FAS: variants seen among roughly 807,000 people sequenced by gnomAD.
FAS encodes the protein tumor necrosis factor receptor superfamily member 6.
Under a neutral mutation model 33.2 loss-of-function variants are expected in FAS, and 5 were observed. The ratio of observed to expected loss-of-function variants is 0.15; its 90% CI spans 0.08 to 0.32. The LOEUF (loss-of-function observed/expected upper bound fraction) is 0.32, where lower values mean the gene tolerates loss of function less well. Ranked by LOEUF, FAS falls within the 10% of genes least tolerant of loss-of-function variation. The pLI is 1.00. For missense variants in FAS, 339 were observed against 386.0 expected (o/e 0.88, Z 1.02); for synonymous variants, 131 against 130.7 (o/e 1.00, Z -0.01).
At chr10:88,999,078 G>A (rs1358177070) in intron 1 of FAS, among the ~76,000 whole-genome samples, 2 of 151,792 alleles carry the variant, frequency 1.3e-5, no homozygotes, top group African/African-American at 2.4e-5. Flanking sequence ...ACTTGAACCC[G>A]GGAGGCGGAG....
intron 1 of FAS, among the ~76,000 whole-genome samples, chr10:88,993,138 C>T (rs1025108020): frequency 5.3e-5 from 8 of 152,176 alleles, no homozygotes; most frequent in African/African-American, 1.9e-4. Flanking sequence ...CTTTCCTTCT[C>T]TCAACCTTCC....
At chr10:89,013,721 C>A (rs1352322440) in intron 8 of FAS, among the ~76,000 whole-genome samples, 1 of 152,176 alleles carries the variant, frequency 6.6e-6, no homozygotes, top group African/African-American at 2.4e-5. Context: ...TAACAACATA[C>A]ATGATTCCAT....
chr10:89,008,227 TCCC>T (rs1848344274), intron 3 of FAS, among the ~76,000 whole-genome samples: 1 of 152,154 alleles, frequency 6.6e-6, no homozygotes. Flanking sequence ...GTAGGAATGC[TCCC>T]CCTTTCTTTG....
chr10:88,983,047 G>A (rs967678039), upstream of FAS, among the ~76,000 whole-genome samples: 10 of 152,120 alleles, frequency 6.6e-5, no homozygotes, highest in Admixed American at 3.3e-4. Context: ...TAGACCTACC[G>A]AATCAGAATC....
In FAS at chr10:88,990,900, A is replaced by G. The variant is rs760596246; in HGVS notation, c.24A>G (p.Leu8=). 2 of 1,614,072 alleles carry G rather than the reference A, an allele frequency of 1.2e-6. No homozygotes were observed. The highest frequency in any genetic ancestry group is 1.7e-6 in the Non-Finnish European group (2 of 1,179,990). ...CCATGCTGGGCATCTGGACCCTCCT[A>G]CCTCTGGTGAGCCCTCTCCTGCCCG... is the stretch of plus-strand genomic sequence containing the variant. MLGIWTL[L]PLVLTSVARL... The change falls in exon 1 of 9, where the codon CTA becomes CTG. Residue 8 remains leucine, a synonymous_variant. Transcript: ENST00000652046. The surrounding 1 kb of genome is among the most constrained non-coding windows in gnomAD (Gnocchi z 4.9).
chr10:89,005,875 G>A (rs1185701516), intron 2 of FAS, among the ~76,000 whole-genome samples: 1 of 152,130 alleles, frequency 6.6e-6, no homozygotes, highest in African/African-American at 2.4e-5. Flanking sequence ...CTGACCTCAG[G>A]TGATCTGCCT....
At chr10:88,995,369 G>A (rs945995761) in intron 1 of FAS, among the ~76,000 whole-genome samples, 1 of 152,184 alleles carries the variant, frequency 6.6e-6, no homozygotes, top group African/African-American at 2.4e-5. Context: ...AGGAAATGAG[G>A]TGGTTCTTCC....
intron 1 of FAS, among the ~76,000 whole-genome samples, chr10:88,995,112 G>A (rs1847510372): frequency 6.6e-6 from 1 of 151,736 alleles, no homozygotes; most frequent in Non-Finnish European, 1.5e-5. Flanking sequence ...ATTCATAAAA[G>A]TGGAAAAATA....
chr10:89,014,428 A>G lies in FAS; in HGVS notation c.986A>G (p.Asn329Ser). Residue 329 changes from asparagine (N) to serine (S), a missense_variant, in exon 9 of 9, where the codon AAT becomes AGT. Physicochemically the swap from Asn to Ser is conservative, Grantham distance 46 (BLOSUM62 1). Coordinates refer to ENST00000652046, the MANE Select transcript of FAS (RefSeq NM_000043.6). ...GACTCAGAAAATTCAAACTTCAGAA[A>G]TGAAATCCAAAGCTTGGTCTAGAGT... ...TSDSENSNFR[N>S]EIQSLV 1 of 1,611,002 alleles carries G rather than the reference A, an allele frequency of 6.2e-7. No homozygotes were observed. Among genetic ancestry groups the G allele is most frequent in the Non-Finnish European group, 8.5e-7 (1 of 1,179,904 alleles).
intron 6 of FAS, among the ~76,000 whole-genome samples, chr10:89,011,776 G>A (rs1848541978): frequency 6.6e-6 from 1 of 152,210 alleles, no homozygotes; most frequent in Non-Finnish European, 1.5e-5. Flanking sequence ...AGGCCAGCCT[G>A]TGGTAATTAG....
chr10:88,995,165 TAA>T (rs1190034153), intron 1 of FAS, among the ~76,000 whole-genome samples: 2 of 152,128 alleles, frequency 1.3e-5, no homozygotes, highest in African/African-American at 4.8e-5. Flanking sequence ...ATCCTTGCTT[TAA>T]AAAAAGTCTT....
intron 1 of FAS, chr10:88,991,496 G>A (rs1847215682): frequency 1.2e-5 from 2 of 164,872 alleles, no homozygotes; most frequent in Non-Finnish European, 2.7e-5. Flanking sequence ...TCGGAAGAAC[G>A]GCACCTTTTC....
At chr10:88,971,564 C>CT (rs776055894) in intron 1 of FAS, among the ~76,000 whole-genome samples, 78 of 152,258 alleles carry the variant, frequency 5.1e-4, no homozygotes, top group Non-Finnish European at 1.0e-3. Flanking sequence ...TAACTCCTTC[C>CT]TTTTTTAGAT....
intron 6 of FAS, 63 bp downstream of exon 6, chr10:89,010,878 T>C: frequency 6.3e-7 from 1 of 1,584,942 alleles, no homozygotes; most frequent in Non-Finnish European, 8.7e-7. Flanking sequence ...CACAAAGATT[T>C]GCCTCATTCT....
chr10:89,004,405 T>C (rs1281665338), intron 2 of FAS, among the ~76,000 whole-genome samples: 1 of 152,172 alleles, frequency 6.6e-6, no homozygotes, highest in Admixed American at 6.5e-5. Context: ...AGGGTACACA[T>C]GCACAATCTG....
chr10:89,005,830 G>A (rs1393555861), intron 2 of FAS, among the ~76,000 whole-genome samples: 1 of 151,970 alleles, frequency 6.6e-6, no homozygotes, highest in Non-Finnish European at 1.5e-5. Flanking sequence ...ATAGAGGCGG[G>A]GTTTCACCAT....
chr10:88,983,628 A>C (rs952166099), upstream of FAS, among the ~76,000 whole-genome samples: 4 of 147,888 alleles, frequency 2.7e-5, no homozygotes, highest in South Asian at 2.1e-4. Context: ...AAAAAAAAAA[A>C]AAAAAAAAAA....
rs1211630927 is a variant in FAS at position 89,015,786 on chromosome 10, T to C, written c.*1336T>C. 6.4e-6 allele frequency: 3 copies of C among 471,688 alleles called. No individual in the cohort carries two copies. The East Asian group carries it at 1.2e-4, about 19-fold the overall frequency. The allele number at this position is 471,688 out of a possible 1,614,324, so 29.2% of individuals were successfully genotyped here. A position where few individuals can be genotyped will look rare whatever the true frequency, so the allele number is the denominator to read the frequency against. ...ACGTAATTAAATAATGTTTTTGGTATTTCTGGTTTTCTCTTTTTTGGTAGG... is the reference window on the plus strand; with the variant it reads ...ACGTAATTAAATAATGTTTTTGGTACTTCTGGTTTTCTCTTTTTTGGTAGG... On this transcript the variant is annotated 3_prime_UTR_variant, in exon 9 of 9. Transcript: ENST00000652046.
chr10:88,976,910 T>C (rs921519308), intron 2 of FAS, among the ~76,000 whole-genome samples: 1 of 152,220 alleles, frequency 6.6e-6, no homozygotes, highest in South Asian at 2.1e-4. Flanking sequence ...TGTAGAGAAG[T>C]TGCATTGTGC....
Sources: gnomAD v4.1 joint callset for allele counts (sites outside exome capture counted in the v4.1 genomes callset) on GRCh38, gnomAD v4.1.1 for gene constraint, Gnocchi (gnomAD v3.1) non-coding constraint, MANE v1.5 for transcripts, NCBI Gene and HGNC (gene_info 2026-07-23, HGNC 2026-07-21) for gene names.